The following GRID1 variants were observed in gnomAD, a reference collection of about 807,000 sequenced individuals.
GRID1 encodes the protein glutamate ionotropic receptor delta type subunit 1, also known as glutamate receptor ionotropic, delta-1.
GRID1 carries 28 observed loss-of-function variants against 98.0 expected under a neutral mutation model. The ratio of observed to expected loss-of-function variants is 0.29; its 90% CI spans 0.21 to 0.39. GRID1 has a LOEUF of 0.39. Ranked by LOEUF, GRID1 falls within the 10% of genes least tolerant of loss-of-function variation. The probability of loss-of-function intolerance (pLI) is 1.00; values close to 1 mark genes in which losing one functional copy is unlikely to be tolerated. For missense variants in GRID1, 1,111 were observed against 1,340.5 expected (o/e 0.83, Z 2.67); for synonymous variants, 553 against 538.5 (o/e 1.03, Z -0.37).
At chr10:86,172,013 T>C (rs1214671978) in intron 3 of GRID1, among the ~76,000 whole-genome samples, 1 of 151,980 alleles carries the variant, frequency 6.6e-6, no homozygotes, top group Non-Finnish European at 1.5e-5. Flanking sequence ...ATAATTTACA[T>C]GCCAAAAAAT....
chr10:86,166,156 C>T (rs1845395501), intron 3 of GRID1, among the ~76,000 whole-genome samples: 1 of 152,040 alleles, frequency 6.6e-6, no homozygotes, highest in African/African-American at 2.4e-5. Flanking sequence ...GGTACATGTG[C>T]ACAACATGCA....
intron 4 of GRID1, among the ~76,000 whole-genome samples, chr10:86,095,162 G>A (rs1262398149): frequency 6.6e-6 from 1 of 152,140 alleles, no homozygotes; most frequent in Non-Finnish European, 1.5e-5. Context: ...CAGGAGGAGA[G>A]TGAAACTGAA....
chr10:85,622,724 A>G (rs1397571213), intron 13 of GRID1, among the ~76,000 whole-genome samples: 6 of 152,188 alleles, frequency 3.9e-5, no homozygotes, highest in African/African-American at 1.4e-4. Flanking sequence ...CGAGGGGCTC[A>G]CCTTTGGAGA....
At chr10:86,304,301 T>A (rs181865568) in intron 2 of GRID1, among the ~76,000 whole-genome samples, 10 of 152,304 alleles carry the variant, frequency 6.6e-5, no homozygotes, top group Admixed American at 2.0e-4. Flanking sequence ...AACATACTTA[T>A]GTTGAGAAAG....
intron 2 of GRID1, among the ~76,000 whole-genome samples, chr10:86,226,180 C>T (rs12415201): frequency 0.051 from 7,793 of 151,996 alleles, 306 homozygotes; most frequent in Admixed American, 0.095. Context: ...GCCTGTTTCC[C>T]GCACAGACCT....
intron 13 of GRID1, among the ~76,000 whole-genome samples, chr10:85,634,195 T>C (rs1487570842): frequency 7.1e-6 from 1 of 140,468 alleles, no homozygotes; most frequent in Non-Finnish European, 1.5e-5. Context: ...AGTTTACCAG[T>C]AGAGGGGCTT....
chr10:85,798,459 A>G (rs906518474), intron 8 of GRID1, among the ~76,000 whole-genome samples: 1 of 152,204 alleles, frequency 6.6e-6, no homozygotes, highest in Non-Finnish European at 1.5e-5. Context: ...TGTTTTCCAT[A>G]GTGGTTGTAC....
Position 86,334,559 on chromosome 10 carries a change from A to C in GRID1, c.235+29382T>G, listed in dbSNP as rs532363016. Among the ~76,000 whole-genome samples the C allele has an allele frequency of 2.6e-5, 4 of 152,314 alleles. No individual in the cohort carries two copies. The East Asian group carries it at 7.7e-4, about 29-fold the overall frequency. On this transcript the variant is annotated intron_variant, in intron 2 of 15. Coordinates refer to ENST00000327946, the MANE Select transcript of GRID1 (RefSeq NM_017551.3). ...ACACCTTTTTACCTGAAGTAGAAGAAAGGCATTTAGGGCTATCTGTCTAAA... is the reference window on the plus strand; with the variant it reads ...ACACCTTTTTACCTGAAGTAGAAGACAGGCATTTAGGGCTATCTGTCTAAA...
At chr10:86,040,977 G>A (rs1252026166) in intron 4 of GRID1, among the ~76,000 whole-genome samples, 8 of 152,106 alleles carry the variant, frequency 5.3e-5, no homozygotes, top group Non-Finnish European at 1.0e-4. Flanking sequence ...TTCAGGTGCA[G>A]CTGCACAACT....
chr10:85,673,659 T>G (rs950890182), intron 12 of GRID1, among the ~76,000 whole-genome samples: 7 of 152,236 alleles, frequency 4.6e-5, no homozygotes, highest in African/African-American at 1.7e-4. Context: ...AATTAAAGTA[T>G]GTATATTTTT....
At chr10:85,986,247 C>T (rs1842607063) in intron 4 of GRID1, among the ~76,000 whole-genome samples, 1 of 152,162 alleles carries the variant, frequency 6.6e-6, no homozygotes, top group African/African-American at 2.4e-5. Context: ...CAAGAAAAAC[C>T]TGAAAGGTAA....
At chr10:85,927,320 C>T (rs909638339) in intron 4 of GRID1, among the ~76,000 whole-genome samples, 2 of 152,188 alleles carry the variant, frequency 1.3e-5, no homozygotes, top group African/African-American at 4.8e-5. Context: ...CTGTTGGTCA[C>T]CCCATGGCTT....
intron 3 of GRID1, among the ~76,000 whole-genome samples, chr10:86,162,386 T>A (rs1020440384): frequency 2.0e-5 from 3 of 151,912 alleles, no homozygotes; most frequent in Non-Finnish European, 4.4e-5. Context: ...GAGCCATACA[T>A]CCCCATCCCA....
At chr10:86,250,333 T>C (rs1441450062) in intron 2 of GRID1, among the ~76,000 whole-genome samples, 2 of 152,200 alleles carry the variant, frequency 1.3e-5, no homozygotes, top group African/African-American at 2.4e-5. Flanking sequence ...TTTCCCCTCC[T>C]GCTGCCTTTG....
At chr10:86,307,310 A>T (rs1847771472) in intron 2 of GRID1, among the ~76,000 whole-genome samples, 1 of 152,236 alleles carries the variant, frequency 6.6e-6, no homozygotes, top group Admixed American at 6.5e-5. Context: ...GCCATCAATG[A>T]GCGAATGGAT....
At chr10:86,186,320 A>AGT (rs1256078811) in intron 3 of GRID1, among the ~76,000 whole-genome samples, 2 of 152,144 alleles carry the variant, frequency 1.3e-5, no homozygotes, top group African/African-American at 4.8e-5. Flanking sequence ...TTTCCCAGTC[A>AGT]GTCTGTTCAG....
intron 5 of GRID1, among the ~76,000 whole-genome samples, chr10:85,886,161 C>T (rs1385654249): frequency 6.6e-6 from 1 of 152,160 alleles, no homozygotes; most frequent in African/African-American, 2.4e-5. Flanking sequence ...GGGGGTTCTC[C>T]ATGCTGGATT....
rs963904381 is a variant in GRID1 at position 86,365,346 on chromosome 10, C to A, written c.79+968G>T. ...TTCCCAACTTCCGGAAAGACGACTG[C>A]GGAGGGACTCCCCCAAAGCGACCGC... is the stretch of plus-strand genomic sequence containing the variant. On this transcript the variant is annotated intron_variant, in intron 1 of 15. Coordinates refer to ENST00000327946, the MANE Select transcript of GRID1 (RefSeq NM_017551.3). This position sits in a 1 kb window ranked among gnomAD's most constrained non-coding sequence, Gnocchi z 4.8. 5.3e-5 allele frequency among the ~76,000 whole-genome samples: 8 copies of A among 151,294 alleles called. 1 individual carries two copies. In the South Asian group the frequency reaches 8.4e-4, roughly 16 times the overall value.
chr10:85,698,493 C>A (rs1841417291), intron 12 of GRID1, among the ~76,000 whole-genome samples: 1 of 152,060 alleles, frequency 6.6e-6, no homozygotes, highest in African/African-American at 2.4e-5. Flanking sequence ...CCTGATAGCT[C>A]ATTTTTTTTC....
Sources: gnomAD v4.1 joint callset for allele counts (sites outside exome capture counted in the v4.1 genomes callset) on GRCh38, gnomAD v4.1.1 for gene constraint, Gnocchi (gnomAD v3.1) non-coding constraint, MANE v1.5 for transcripts, NCBI Gene and HGNC (gene_info 2026-07-23, HGNC 2026-07-21) for gene names.